Variants in GRIP1 observed in about 807,000 individuals in gnomAD.
GRIP1 encodes glutamate receptor interacting protein 1, also known as glutamate receptor-interacting protein 1.
A neutral mutation model predicts 129.9 loss-of-function variants in GRIP1; 45 were observed. That is an observed-to-expected ratio of 0.35 (90% confidence interval 0.27 to 0.44). GRIP1 has a LOEUF of 0.44. Among genes scored for constraint, GRIP1 ranks in the 20% least tolerant of loss-of-function variants. The pLI is 1.00. For synonymous variants in GRIP1, 530 were observed against 520.8 expected, an observed-to-expected ratio of 1.02 and a Z score of -0.24; for missense variants, 1,196 against 1,396.8, an observed-to-expected ratio of 0.86 and a Z score of 2.29.
chr12:66,987,078 T>G (rs993400963), intron 1 of GRIP1, among the ~76,000 whole-genome samples: 1 of 151,832 alleles, frequency 6.6e-6, no homozygotes, highest in African/African-American at 2.4e-5. Context: ...CAGAAGAAGG[T>G]GAAATACATG....
At chr12:66,471,924 T>G (rs1428669411) in intron 7 of GRIP1, among the ~76,000 whole-genome samples, 1 of 152,190 alleles carries the variant, frequency 6.6e-6, no homozygotes, top group Non-Finnish European at 1.5e-5. Context: ...AGACTGAATA[T>G]CTCTTGGGAT....
chr12:66,656,198 T>C (rs1365584675), intron 1 of GRIP1, among the ~76,000 whole-genome samples: 1 of 152,144 alleles, frequency 6.6e-6, no homozygotes, highest in Non-Finnish European at 1.5e-5. Context: ...AATGAATAAA[T>C]GAACAACTTT....
At chr12:66,972,552 TTAAA>T (rs1566101028) in intron 1 of GRIP1, among the ~76,000 whole-genome samples, 2 of 152,190 alleles carry the variant, frequency 1.3e-5, no homozygotes, top group Non-Finnish European at 1.5e-5. Flanking sequence ...TAATTTTCAT[TTAAA>T]TAGTCACATG....
intron 9 of GRIP1, among the ~76,000 whole-genome samples, chr12:66,460,681 G>A (rs138021659): frequency 1.6e-4 from 25 of 152,244 alleles, no homozygotes; most frequent in African/African-American, 5.8e-4. Context: ...TGTGGTATAT[G>A]CTTTACTGCT....
intron 1 of GRIP1, among the ~76,000 whole-genome samples, chr12:66,694,022 C>T (rs1425339806): frequency 6.6e-6 from 1 of 152,162 alleles, no homozygotes; most frequent in Non-Finnish European, 1.5e-5. Flanking sequence ...ACTCTCAGGG[C>T]CACTGCCAGC....
Position 66,432,013 on chromosome 12 carries a change from A to T in GRIP1, c.1768+535T>A, listed in dbSNP as rs114383516. Among the ~76,000 whole-genome samples the T allele has an allele frequency of 2.0e-3, 300 of 152,322 alleles. 4 individuals are homozygous for T. Among genetic ancestry groups the T allele is most frequent in the African/African-American group, 6.7e-3 (278 of 41,570 alleles). ...AAAGGATTATAGATGCTTAGTGGAC[A>T]GATGGGAAGATAGTCTTAAAAGTAA... On this transcript the variant is annotated intron_variant, in intron 14 of 24. Coordinates refer to ENST00000359742, the MANE Select transcript of GRIP1 (RefSeq NM_001366722.1).
intron 1 of GRIP1, among the ~76,000 whole-genome samples, chr12:66,723,855 C>T (rs1023002801): frequency 5.9e-5 from 9 of 152,098 alleles, no homozygotes; most frequent in South Asian, 2.1e-4. Context: ...TGTGAACACA[C>T]GCCTGATGAA....
At chr12:66,859,490 A>G (rs997542290) in intron 1 of GRIP1, among the ~76,000 whole-genome samples, 1 of 152,040 alleles carries the variant, frequency 6.6e-6, no homozygotes, top group Non-Finnish European at 1.5e-5. Context: ...ACATAAATAA[A>G]TAATACAAGT....
chr12:66,363,332 C>T (rs1210009316), intron 23 of GRIP1, among the ~76,000 whole-genome samples: 1 of 149,066 alleles, frequency 6.7e-6, no homozygotes, highest in African/African-American at 2.5e-5. Flanking sequence ...CAGGCTTGAC[C>T]TCTCAGGCTC....
intron 1 of GRIP1, among the ~76,000 whole-genome samples, chr12:66,667,809 C>G (rs1159576336): frequency 6.6e-6 from 1 of 152,174 alleles, no homozygotes; most frequent in Non-Finnish European, 1.5e-5. Flanking sequence ...AGGTGTTTAA[C>G]TTTCTCAGCT....
chr12:66,992,109 A>C lies in GRIP1; in HGVS notation c.58+76941T>G, dbSNP rs570093919. Among the ~76,000 whole-genome samples the C allele has an allele frequency of 1.2e-4, 19 of 152,346 alleles. 1 individual carries two copies. The highest frequency in any genetic ancestry group is 1.1e-3 in the Admixed American group (17 of 15,302). ...CTGTTGAATCTCGAATCCCATTCAG[A>C]GGAAGGGCTATAGCCTCCAAATGCA... On this transcript the variant is annotated intron_variant, in intron 1 of 1. Transcript: ENST00000643019.
intron 1 of GRIP1, among the ~76,000 whole-genome samples, chr12:66,644,614 C>T (rs749032751): frequency 1.3e-5 from 2 of 152,222 alleles, no homozygotes; most frequent in Non-Finnish European, 2.9e-5. Context: ...CACTTTCACA[C>T]TCAATCCCCA....
chr12:66,379,380 T>C lies in GRIP1; in HGVS notation c.2521A>G (p.Lys841Glu). Residue 841 changes from lysine (K) to glutamate (E), a missense_variant, in exon 20 of 25, where the codon AAA becomes GAA. Lys to Glu is a moderately conservative substitution (Grantham distance 56). Coordinates refer to ENST00000359742, the MANE Select transcript of GRIP1 (RefSeq NM_001366722.1). ...NFNTYDWRSP[K>E]QRGSLSPVTK... ...ACTGGGGACAAGCTGCCTCTCTGTT[T>C]TGGACTCCTCCAGTCATAGGTGTTG... The C allele has an allele frequency of 6.2e-7, 1 of 1,614,100 alleles. No individual in the cohort carries two copies. Among genetic ancestry groups the C allele is most frequent in the African/African-American group, 1.3e-5 (1 of 75,044 alleles).
intron 1 of GRIP1, among the ~76,000 whole-genome samples, chr12:66,638,943 C>T (rs1045388219): frequency 1.3e-5 from 2 of 152,128 alleles, no homozygotes; most frequent in Non-Finnish European, 2.9e-5. Flanking sequence ...GTTTCAGTTT[C>T]TTTGTGAAAT....
intron 2 of GRIP1, among the ~76,000 whole-genome samples, chr12:66,552,036 G>A (rs903519764): frequency 6.6e-6 from 1 of 152,230 alleles, no homozygotes; most frequent in East Asian, 1.9e-4. Flanking sequence ...CTCTGGAAGT[G>A]AAAGAAGATC....
At chr12:66,889,514 A>G (rs756737640) in intron 1 of GRIP1, among the ~76,000 whole-genome samples, 4 of 152,164 alleles carry the variant, frequency 2.6e-5, no homozygotes, top group Admixed American at 6.5e-5. Flanking sequence ...CTATAATCCA[A>G]CATTGCACAT....
At chr12:66,928,875 G>GGTT (rs2041340230) in intron 1 of GRIP1, among the ~76,000 whole-genome samples, 1 of 152,168 alleles carries the variant, frequency 6.6e-6, no homozygotes, top group Non-Finnish European at 1.5e-5. Flanking sequence ...TGTGGCTCTG[G>GGTT]GTTGACGTTT....
chr12:66,496,866 A>G (rs2060251765), intron 7 of GRIP1, among the ~76,000 whole-genome samples: 1 of 137,010 alleles, frequency 7.3e-6, no homozygotes, highest in Admixed American at 8.0e-5. Context: ...AAAAGAAAAG[A>G]AAGAGAGAGG....
chr12:66,896,991 C>T (rs760594731), intron 1 of GRIP1, among the ~76,000 whole-genome samples: 15 of 152,206 alleles, frequency 9.9e-5, no homozygotes, highest in East Asian at 1.9e-4. Flanking sequence ...AGTGGTTACA[C>T]GTGCAGGCTC....
Sources: allele counts gnomAD v4.1 joint callset (sites outside exome capture counted in the v4.1 genomes callset), GRCh38; gene constraint gnomAD v4.1.1; transcripts MANE v1.5; gene names NCBI Gene and HGNC (gene_info 2026-07-23, HGNC 2026-07-21).